LRRC28: variants seen among roughly 807,000 people sequenced by gnomAD.
LRRC28 encodes leucine-rich repeat-containing protein 28.
Under a neutral mutation model 45.7 loss-of-function variants are expected in LRRC28, and 39 were observed. That is an observed-to-expected ratio of 0.85 (90% CI 0.66 to 1.12). The LOEUF is 1.12. Among genes scored for constraint, LRRC28 ranks in the 50% most tolerant of loss-of-function variants. LRRC28 has a pLI of 0.00. For missense variants in LRRC28, 435 were observed against 438.5 expected (o/e 0.99, Z 0.07); for synonymous variants, 206 against 178.8 (o/e 1.15, Z -1.22).
intron 9 of LRRC28, among the ~76,000 whole-genome samples, chr15:99,368,346 A>T (rs1223421113): frequency 6.6e-6 from 1 of 152,226 alleles, no homozygotes; most frequent in Non-Finnish European, 1.5e-5. Flanking sequence ...AGACATTCCT[A>T]TTCCACAAGT....
rs529678807 is a variant in LRRC28, at chr15:99,389,270, C to A, written c.*3168C>A. 6.6e-6 allele frequency: 1 copy of A among 152,146 alleles called. No individual in the cohort carries two copies. Among genetic ancestry groups the A allele is most frequent in the East Asian group, 1.9e-4 (1 of 5,170 alleles). The allele number at this position is 152,146 out of a possible 1,614,324, so 9.4% of individuals were successfully genotyped here. On this transcript the variant is annotated 3_prime_UTR_variant, in exon 10 of 10. Transcript: ENST00000301981. ...CACTTCTGTTTTACGTTGAGCATTA[C>A]GAATTAAAATCTTTACAGTCTAGGG... is the stretch of plus-strand genomic sequence containing the variant.
At chr15:99,287,695 G>A (rs940084760) in intron 4 of LRRC28, 119 bp from the exon 5 acceptor site, 11 of 1,066,692 alleles carry the variant, frequency 1.0e-5, no homozygotes, top group Non-Finnish European at 1.5e-5. Context: ...TTACTATTTT[G>A]TGAGCAACTG....
At position 99,283,172 on chromosome 15, in the gene LRRC28, C is replaced by T. The variant is rs148594226; in HGVS notation, c.210-4085C>T. On this transcript the variant is annotated intron_variant, in intron 3 of 9. Transcript: ENST00000301981. ...CCTCCCAAAGTGCTGGGATTACAGG[C>T]GTGAGCCACCACACCCAAACTAAAA... Among the ~76,000 whole-genome samples the T allele has an allele frequency of 6.3e-3, 959 of 151,686 alleles. 14 individuals carry two copies. Among genetic ancestry groups the T allele is most frequent in the African/African-American group, 0.022 (895 of 41,424 alleles).
chr15:99,260,416 C>A (rs1057368032), intron 2 of LRRC28, among the ~76,000 whole-genome samples: 17 of 152,116 alleles, frequency 1.1e-4, no homozygotes, highest in Non-Finnish European at 1.5e-5. Flanking sequence ...TTCCCTGCAA[C>A]CTTTTTAATC....
intron 6 of LRRC28, among the ~76,000 whole-genome samples, chr15:99,345,953 C>A (rs906668437): frequency 5.9e-5 from 9 of 152,122 alleles, no homozygotes; most frequent in Non-Finnish European, 1.2e-4. Flanking sequence ...AAATTATTCT[C>A]TTCAGTGACT....
At chr15:99,276,647 CAAGAATGAAA>C in intron 3 of LRRC28, 31 bp downstream of exon 3, 2 of 1,471,554 alleles carry the variant, frequency 1.4e-6, no homozygotes, top group South Asian at 1.4e-5. Context: ...TTTTTAAAGA[CAAGAATGAAA>C]ATAATTCTAA....
intron 5 of LRRC28, among the ~76,000 whole-genome samples, chr15:99,293,628 A>AAAAAAAAAAAAAAAAAC (rs1567635396): frequency 7.0e-6 from 1 of 142,256 alleles, no homozygotes; most frequent in Non-Finnish European, 1.5e-5. Context: ...AAAAAAAAAA[A>AAAAAAAAAAAAAAAAAC]AAAAACCTAA....
chr15:99,273,506 A>G (rs532934823), intron 2 of LRRC28, among the ~76,000 whole-genome samples: 46 of 151,976 alleles, frequency 3.0e-4, no homozygotes, highest in South Asian at 6.2e-4. Flanking sequence ...CAAAGTGCTG[A>G]GATTACAGGC....
chr15:99,252,627 G>C (rs146721703), intron 1 of LRRC28, among the ~76,000 whole-genome samples: 3 of 152,336 alleles, frequency 2.0e-5, no homozygotes, highest in Admixed American at 6.5e-5. Context: ...GTCTATTGCA[G>C]TGCATGGTTG....
At chr15:99,326,371 T>G (rs780552784) in intron 5 of LRRC28, 2 of 152,230 alleles carry the variant, frequency 1.3e-5, no homozygotes, top group Non-Finnish European at 2.9e-5. Context: ...TGGTGCCTCC[T>G]GTGTTCCAGG....
intron 2 of LRRC28, among the ~76,000 whole-genome samples, chr15:99,266,232 T>A (rs1184592415): frequency 6.6e-6 from 1 of 152,152 alleles, no homozygotes; most frequent in Non-Finnish European, 1.5e-5. Flanking sequence ...AGAAAAACAT[T>A]CCTGACTTTC....
intron 3 of LRRC28, among the ~76,000 whole-genome samples, chr15:99,279,373 T>G (rs2081714868): frequency 6.6e-6 from 1 of 152,222 alleles, no homozygotes; most frequent in Non-Finnish European, 1.5e-5. Flanking sequence ...GTCAGTTGTT[T>G]GTTACAACTG....
intron 5 of LRRC28, among the ~76,000 whole-genome samples, chr15:99,326,271 GA>G (rs1955973141): frequency 1.3e-5 from 2 of 152,148 alleles, no homozygotes; most frequent in Admixed American, 6.5e-5. Context: ...TTCTTACCTG[GA>G]AAATTATCTT....
chr15:99,314,436 TCTAAATAA>T (rs202217703), intron 5 of LRRC28, among the ~76,000 whole-genome samples: 2,096 of 125,572 alleles, frequency 0.017, 46 homozygotes, highest in African/African-American at 0.078. Context: ...AGACCTTGTC[TCTAAATAA>T]ATAAATAAAT....
chr15:99,273,745 G>A (rs1272594973), intron 2 of LRRC28, among the ~76,000 whole-genome samples: 1 of 152,230 alleles, frequency 6.6e-6, no homozygotes, highest in African/African-American at 2.4e-5. Flanking sequence ...AGATTAGAAT[G>A]CTATTTGATG....
intron 9 of LRRC28, among the ~76,000 whole-genome samples, chr15:99,375,818 C>A (rs974317506): frequency 3.9e-5 from 6 of 151,946 alleles, no homozygotes. Context: ...ATATCACCTC[C>A]TTCATTTTTA....
chr15:99,263,761 G>C (rs2152134092), intron 2 of LRRC28, among the ~76,000 whole-genome samples: 1 of 152,290 alleles, frequency 6.6e-6, no homozygotes, highest in Admixed American at 6.5e-5. Flanking sequence ...CAGGCACTTA[G>C]GAGGAAGAGC....
chr15:99,355,763 C>T (rs1428984426), intron 7 of LRRC28: 1 of 150,216 alleles, frequency 6.7e-6, no homozygotes. Flanking sequence ...AACCAAGCCA[C>T]TACTTTGCTT....
At chr15:99,271,589 T>G (rs1597193735) in intron 2 of LRRC28, among the ~76,000 whole-genome samples, 1 of 151,928 alleles carries the variant, frequency 6.6e-6, no homozygotes, top group Non-Finnish European at 1.5e-5. Context: ...ATTTTTCTTT[T>G]ATTTATTTAT....
Sources: allele counts gnomAD v4.1 joint callset (sites outside exome capture counted in the v4.1 genomes callset), GRCh38; gene constraint gnomAD v4.1.1; transcripts MANE v1.5; gene names NCBI Gene and HGNC (gene_info 2026-07-23, HGNC 2026-07-21).